KAT6A: variants seen among roughly 807,000 people sequenced by gnomAD.
KAT6A encodes lysine acetyltransferase 6A.
A neutral mutation model predicts 198.4 loss-of-function variants in KAT6A; 9 were observed. That is an observed-to-expected ratio of 0.05 (90% confidence interval 0.03 to 0.08). KAT6A has a LOEUF of 0.08. Among genes scored for constraint, KAT6A ranks in the 10% least tolerant of loss-of-function variants. The pLI is 1.00. For missense variants in KAT6A, 2,077 were observed against 2,509.9 expected, an observed-to-expected ratio of 0.83 and a Z score of 3.69; for synonymous variants, 890 against 883.0, an observed-to-expected ratio of 1.01 and a Z score of -0.14.
intron 8 of KAT6A, among the ~76,000 whole-genome samples, chr8:41,971,897 GA>G (rs140089536): frequency 1.0e-3 from 151 of 148,598 alleles, no homozygotes; most frequent in African/African-American, 2.8e-3. Context: ...GTATGACAGA[GA>G]AAAAAAAAAT....
At chr8:41,991,639 T>C (rs1016058909) in intron 2 of KAT6A, among the ~76,000 whole-genome samples, 2 of 152,154 alleles carry the variant, frequency 1.3e-5, no homozygotes, top group African/African-American at 4.8e-5. Flanking sequence ...AATCAAAAAA[T>C]ATAGTATAGG....
chr8:42,031,617 CTTTTTTTTTTTTTTTT>C (rs11329714), intron 2 of KAT6A, among the ~76,000 whole-genome samples: 14 of 65,062 alleles, frequency 2.2e-4, no homozygotes, highest in Admixed American at 1.4e-3. Flanking sequence ...GGAGCATTCA[CTTTTTTTTTTTTTTTT>C]TTTTTTTTTT....
intron 12 of KAT6A, among the ~76,000 whole-genome samples, chr8:41,945,269 A>G (rs923899736): frequency 6.6e-5 from 10 of 151,358 alleles, no homozygotes; most frequent in African/African-American, 2.4e-4. Flanking sequence ...CGGCAGGTAT[A>G]GTACTTTTTT....
chr8:41,941,850 T>G (rs1385544191), intron 14 of KAT6A, among the ~76,000 whole-genome samples: 3 of 152,348 alleles, frequency 2.0e-5, no homozygotes, highest in African/African-American at 7.2e-5. Flanking sequence ...ATTGTTCTTT[T>G]AAATGTTAAA....
At chr8:42,034,567 C>T (rs1827279510) in intron 2 of KAT6A, among the ~76,000 whole-genome samples, 1 of 152,156 alleles carries the variant, frequency 6.6e-6, no homozygotes, top group South Asian at 2.1e-4. Context: ...TTATGGAGCA[C>T]TTATGTGCTA....
chr8:41,993,785 T>C (rs1825056651), intron 2 of KAT6A, among the ~76,000 whole-genome samples: 1 of 152,194 alleles, frequency 6.6e-6, no homozygotes, highest in African/African-American at 2.4e-5. Context: ...CAGTACACCA[T>C]GATTTGTTTT....
At chr8:41,973,603 A>C (rs1392176732) in intron 8 of KAT6A, among the ~76,000 whole-genome samples, 2 of 152,324 alleles carry the variant, frequency 1.3e-5, no homozygotes, top group African/African-American at 4.8e-5. Flanking sequence ...GACAAAAAAT[A>C]AATGAACATA....
In KAT6A at chr8:41,932,779, G is replaced by T. The variant is rs763799464; in HGVS notation, c.5441C>A (p.Pro1814Gln). Residue 1814 changes from proline to glutamine, a missense_variant, in exon 17 of 17, where the codon CCA becomes CAA. Coordinates refer to ENST00000265713, the MANE Select transcript of KAT6A (RefSeq NM_006766.5). ...PQAQATMTPP[P>Q]NLASTTMNLT... ...GTTCATGGTAGTGGATGCCAAGTTT[G>T]GGGGTGGCGTCATGGTGGCTTGTGC... is the stretch of plus-strand genomic sequence containing the variant. 3 of 1,614,224 alleles carry T rather than the reference G, an allele frequency of 1.9e-6. No individual in the cohort carries two copies. The highest frequency in any genetic ancestry group is 2.5e-6 in the Non-Finnish European group (3 of 1,180,024).
rs191579930 is a variant in KAT6A at position 41,995,091 on chromosome 8, C to G, written c.601-7528G>C. 6.9e-3 allele frequency among the ~76,000 whole-genome samples: 1,044 copies of G among 151,992 alleles called. 13 individuals are homozygous for G. The highest frequency in any genetic ancestry group is 0.024 in the African/African-American group (1,008 of 41,456). On this transcript the variant is annotated intron_variant, in intron 2 of 16. Transcript: ENST00000265713. ...ATAAAAATAAAAATAAAAACAATGC[C>G]TAGTATATAGAAGTCACTCAATAAG...
intron 2 of KAT6A, among the ~76,000 whole-genome samples, chr8:41,989,684 A>G (rs987729213): frequency 6.6e-6 from 1 of 152,244 alleles, no homozygotes; most frequent in African/African-American, 2.4e-5. Context: ...TGGATTTAAA[A>G]ATCTAGAAGT....
chr8:41,938,994 A>G (rs2150859891), intron 15 of KAT6A, among the ~76,000 whole-genome samples: 1 of 149,142 alleles, frequency 6.7e-6, no homozygotes, highest in East Asian at 2.0e-4. Flanking sequence ...GCAGCCCAAG[A>G]GGGAAACTAA....
rs1822091086 is a variant in KAT6A, at chr8:41,940,952, C to T, written c.2929G>A (p.Asp977Asn). Residue 977 changes from aspartate to asparagine, a missense_variant, in exon 15 of 17, where the codon GAC becomes AAC. This residue lies in a region of KAT6A where 301 missense variants were observed against 272.2 expected (regional missense o/e 1.11). Coordinates refer to ENST00000265713, the MANE Select transcript of KAT6A (RefSeq NM_006766.5). ...CTGAAGCCCCTGAGGACAGCCCTGT[C>T]ACCCTCACTGTAGCGACGGGGCAGC... ...ERLPRRYSEGDRAVLRGFSES... is the reference protein window; with the variant it reads ...ERLPRRYSEGNRAVLRGFSES... The T allele has an allele frequency of 6.2e-7, 1 of 1,614,228 alleles. No homozygotes were observed. Among genetic ancestry groups the T allele is most frequent in the Middle Eastern group, 1.6e-4 (1 of 6,062 alleles).
At chr8:41,968,243 T>C (rs966347179) in intron 8 of KAT6A, among the ~76,000 whole-genome samples, 2 of 152,124 alleles carry the variant, frequency 1.3e-5, no homozygotes, top group Non-Finnish European at 2.9e-5. Context: ...AGGGCTAATA[T>C]ACAGAATCTA....
chr8:41,955,301 G>A lies in KAT6A; in HGVS notation c.1593C>T (p.Tyr531=), dbSNP rs748947906. Residue 531 remains tyrosine, a synonymous_variant, in exon 9 of 17, where the codon TAC becomes TAT. Transcript: ENST00000265713. Reference sequence around the variant, plus strand: ...AAGGGTCTCTCAAAACATACCTTGAGTATTCTTGAGGATATGGGGAGGAGT... The same window carrying A: ...AAGGGTCTCTCAAAACATACCTTGAATATTCTTGAGGATATGGGGAGGAGT... ...TWYSSPYPQE[Y]SRLPKLYLCE... The A allele has an allele frequency of 1.9e-6, 3 of 1,574,192 alleles. No homozygotes were observed. The highest frequency in any genetic ancestry group is 1.3e-5 in the African/African-American group (1 of 74,104).
At chr8:41,973,030 G>C (rs1823875996) in intron 8 of KAT6A, among the ~76,000 whole-genome samples, 1 of 152,218 alleles carries the variant, frequency 6.6e-6, no homozygotes, top group Non-Finnish European at 1.5e-5. Context: ...CTTGAACCCA[G>C]ATCCACCTGA....
At chr8:42,005,424 A>G (rs1825689302) in intron 2 of KAT6A, among the ~76,000 whole-genome samples, 1 of 152,216 alleles carries the variant, frequency 6.6e-6, no homozygotes, top group African/African-American at 2.4e-5. Context: ...AGCCAGTGTG[A>G]TAAGGGTGGA....
intron 2 of KAT6A, among the ~76,000 whole-genome samples, chr8:42,047,186 T>C (rs1802355670): frequency 6.6e-6 from 1 of 152,234 alleles, no homozygotes; most frequent in Non-Finnish European, 1.5e-5. Flanking sequence ...AAAGCATCAC[T>C]GCTCTCCAAG....
intron 2 of KAT6A, among the ~76,000 whole-genome samples, chr8:42,042,508 C>T (rs1827716641): frequency 6.6e-6 from 1 of 151,732 alleles, no homozygotes; most frequent in Non-Finnish European, 1.5e-5. Flanking sequence ...ATTCTAAATT[C>T]CTGTCAAAGC....
intron 2 of KAT6A, among the ~76,000 whole-genome samples, chr8:42,025,886 C>G (rs1461454323): frequency 6.6e-6 from 1 of 152,040 alleles, no homozygotes; most frequent in African/African-American, 2.4e-5. Flanking sequence ...CTTATGTTTT[C>G]TTCAAGTAGT....
Sources: gnomAD v4.1 joint callset for allele counts (sites outside exome capture counted in the v4.1 genomes callset) on GRCh38, gnomAD v4.1.1 for gene constraint, gnomAD v4.1.1 regional missense constraint, MANE v1.5 for transcripts, NCBI Gene and HGNC (gene_info 2026-07-23, HGNC 2026-07-21) for gene names.